Variants in NRXN3 observed in about 807,000 individuals in gnomAD.
NRXN3 encodes neurexin III.
In NRXN3, 32 loss-of-function variants were observed where a neutral mutation model predicts 137.6. That is an observed-to-expected ratio of 0.23 (90% confidence interval 0.18 to 0.31). The LOEUF (loss-of-function observed/expected upper bound fraction) is 0.31. NRXN3 is among the 10% of genes least tolerant of loss of function. The probability of loss-of-function intolerance (pLI) is 1.00; values close to 1 mark genes in which losing one functional copy is unlikely to be tolerated. For synonymous variants in NRXN3, 798 were observed against 784.5 expected, an observed-to-expected ratio of 1.02 and a Z score of -0.29; for missense variants, 1,574 against 2,062.5, an observed-to-expected ratio of 0.76 and a Z score of 4.59.
At position 79,184,788 on chromosome 14, in the gene NRXN3, ATGTGTCTTTAT is replaced by A. The variant is rs550618013; in HGVS notation, c.3262+196650_3262+196660del. Among the ~76,000 whole-genome samples the A allele has an allele frequency of 3.0e-3, 463 of 152,270 alleles. 1 individual carries two copies. The highest frequency in any genetic ancestry group is 0.011 in the African/African-American group (448 of 41,544). On this transcript the variant is annotated intron_variant, in intron 15 of 20. Coordinates refer to ENST00000335750, the MANE Select transcript of NRXN3 (RefSeq NM_001330195.2). ...GTTTTGATTTGTTTTCCTATCAGGG[ATGTGTCTTTAT>A]TGGCAATCCCTAATGGAAATTGCTC...
chr14:79,024,867 G>T (rs1007526396), intron 15 of NRXN3, among the ~76,000 whole-genome samples: 2 of 151,980 alleles, frequency 1.3e-5, no homozygotes, highest in African/African-American at 4.8e-5. Flanking sequence ...TTAATATAAG[G>T]TATTTGTTGA....
intron 8 of NRXN3, among the ~76,000 whole-genome samples, chr14:78,798,251 C>T (rs1703555758): frequency 6.6e-6 from 1 of 152,166 alleles, no homozygotes; most frequent in African/African-American, 2.4e-5. Context: ...ACAGGCATTG[C>T]ATAAATATAG....
intron 4 of NRXN3, among the ~76,000 whole-genome samples, chr14:78,550,127 C>T (rs2096672910): frequency 6.6e-6 from 1 of 151,298 alleles, no homozygotes; most frequent in Non-Finnish European, 1.5e-5. Flanking sequence ...TCAACCTCCC[C>T]AGGCTCAAGT....
chr14:79,416,050 A>C (rs1310298498), intron 15 of NRXN3, among the ~76,000 whole-genome samples: 1 of 152,138 alleles, frequency 6.6e-6, no homozygotes. Context: ...GAAGCTTAAA[A>C]TAAAGTGTGC....
chr14:79,568,445 G>T (rs564079064), intron 16 of NRXN3, among the ~76,000 whole-genome samples: 5 of 152,254 alleles, frequency 3.3e-5, no homozygotes, highest in African/African-American at 9.6e-5. Context: ...TAAGATTATG[G>T]ACTACATATT....
At chr14:78,485,141 T>A (rs1249244468) in intron 4 of NRXN3, among the ~76,000 whole-genome samples, 1 of 152,136 alleles carries the variant, frequency 6.6e-6, no homozygotes, top group Non-Finnish European at 1.5e-5. Flanking sequence ...CAGGAGAGAT[T>A]GAGCCAGCTG....
chr14:79,046,672 C>T (rs1436742737), intron 15 of NRXN3, among the ~76,000 whole-genome samples: 1 of 152,134 alleles, frequency 6.6e-6, no homozygotes, highest in Non-Finnish European at 1.5e-5. Context: ...ATTCTATGAC[C>T]TAGCTCAAGC....
In NRXN3 at chr14:79,065,314, C is replaced by T. The variant is rs2099679421; in HGVS notation, c.3262+77173C>T. ...TTGCCAGGTCAAGAAAGGAACCGGT[C>T]AGGTAGAACATTAGTTTACGTATTA... On this transcript the variant is annotated intron_variant, in intron 15 of 20. Coordinates refer to ENST00000335750, the MANE Select transcript of NRXN3 (RefSeq NM_001330195.2). 2.0e-5 allele frequency among the ~76,000 whole-genome samples: 3 copies of T among 152,132 alleles called. No homozygotes were observed. The South Asian group carries it at 6.2e-4, about 32-fold the overall frequency.
chr14:79,452,469 G>A (rs2096190796), intron 15 of NRXN3, among the ~76,000 whole-genome samples: 1 of 152,136 alleles, frequency 6.6e-6, no homozygotes, highest in Non-Finnish European at 1.5e-5. Context: ...TAAGATGAGG[G>A]CCCGGAAAAT....
chr14:79,096,674 C>A (rs902973629), intron 15 of NRXN3, among the ~76,000 whole-genome samples: 5 of 152,098 alleles, frequency 3.3e-5, no homozygotes, highest in African/African-American at 1.2e-4. Context: ...TTCTCTGTGA[C>A]CCAATCGCCA....
At chr14:78,850,135 T>TGA (rs1446122656) in intron 10 of NRXN3, among the ~76,000 whole-genome samples, 31 of 151,504 alleles carry the variant, frequency 2.0e-4, no homozygotes, top group Admixed American at 1.7e-3. Flanking sequence ...CACTAATACC[T>TGA]GAGAGAGAGA....
intron 20 of NRXN3, among the ~76,000 whole-genome samples, chr14:79,824,403 G>GTTCT (rs71103823): frequency 4.0e-5 from 6 of 151,858 alleles, no homozygotes; most frequent in African/African-American, 7.3e-5. Flanking sequence ...TTTTTTGATG[G>GTTCT]TTTTTTTTTC....
chr14:78,585,441 G>C (rs573603200), intron 4 of NRXN3, among the ~76,000 whole-genome samples: 2 of 152,274 alleles, frequency 1.3e-5, no homozygotes, highest in South Asian at 4.2e-4. Context: ...AATTGAAGCA[G>C]AGTGAATATG....
At chr14:79,753,672 T>C (rs2099007206) in intron 19 of NRXN3, among the ~76,000 whole-genome samples, 1 of 151,626 alleles carries the variant, frequency 6.6e-6, no homozygotes, top group South Asian at 2.1e-4. Flanking sequence ...TATACATATA[T>C]AACTAACCTG....
intron 10 of NRXN3, among the ~76,000 whole-genome samples, chr14:78,856,968 A>G (rs953346121): frequency 2.6e-5 from 4 of 152,152 alleles, no homozygotes; most frequent in African/African-American, 9.7e-5. Context: ...CCTCACCTCA[A>G]GTAATCTGCC....
At chr14:79,144,433 T>A (rs1420283842) in intron 15 of NRXN3, among the ~76,000 whole-genome samples, 1 of 152,216 alleles carries the variant, frequency 6.6e-6, no homozygotes, top group Non-Finnish European at 1.5e-5. Flanking sequence ...TTGTTTGTAG[T>A]ACTTCTAGAA....
At chr14:79,722,351 A>G (rs980874051) in intron 19 of NRXN3, among the ~76,000 whole-genome samples, 1 of 152,074 alleles carries the variant, frequency 6.6e-6, no homozygotes, top group African/African-American at 2.4e-5. Flanking sequence ...AATGGATCCC[A>G]TTGCCTGCAG....
At chr14:79,258,895 C>A (rs917515534) in intron 15 of NRXN3, among the ~76,000 whole-genome samples, 2 of 152,192 alleles carry the variant, frequency 1.3e-5, no homozygotes, top group Non-Finnish European at 2.9e-5. Context: ...GAAACTTTGT[C>A]TTTTCCTTCA....
chr14:79,077,655 G>T (rs2046206489), intron 15 of NRXN3, among the ~76,000 whole-genome samples: 1 of 152,100 alleles, frequency 6.6e-6, no homozygotes, highest in Non-Finnish European at 1.5e-5. Context: ...GGAATGAAAT[G>T]TCCTATAGGA....
Sources: allele counts gnomAD v4.1 joint callset (sites outside exome capture counted in the v4.1 genomes callset), GRCh38; gene constraint gnomAD v4.1.1; transcripts MANE v1.5; gene names NCBI Gene and HGNC (gene_info 2026-07-23, HGNC 2026-07-21).